Variants in KCNH7 observed in about 807,000 individuals in gnomAD.
KCNH7 encodes potassium voltage-gated channel subfamily H member 7, also known as voltage-gated inwardly rectifying potassium channel KCNH7.
KCNH7 carries 49 observed loss-of-function variants against 120.8 expected under a neutral mutation model. The observed-to-expected ratio is 0.41, with a 90% CI of 0.32 to 0.51. The LOEUF (loss-of-function observed/expected upper bound fraction) is 0.51, where lower values mean the gene tolerates loss of function less well. KCNH7 is among the 20% of genes least tolerant of loss of function. The pLI is 0.38. For synonymous variants in KCNH7, 547 were observed against 516.1 expected (o/e 1.06, Z -0.81); for missense variants, 1,097 against 1,446.6 (o/e 0.76, Z 3.92).
chr2:162,622,605 C>T (rs960391086), intron 2 of KCNH7, among the ~76,000 whole-genome samples: 1 of 152,072 alleles, frequency 6.6e-6, no homozygotes, highest in African/African-American at 2.4e-5. Context: ...ATGAATTGAT[C>T]TCTGAATTTT....
intron 2 of KCNH7, among the ~76,000 whole-genome samples, chr2:162,833,379 G>C (rs911850086): frequency 2.2e-4 from 34 of 151,938 alleles, no homozygotes; most frequent in Non-Finnish European, 5.9e-5. Flanking sequence ...CTTTGTTGCT[G>C]AAAAGTGTTT....
intron 2 of KCNH7, among the ~76,000 whole-genome samples, chr2:162,739,275 A>G (rs1574326327): frequency 6.6e-6 from 1 of 152,138 alleles, no homozygotes; most frequent in East Asian, 1.9e-4. Context: ...TAGGAACACC[A>G]TGCTTCAAAT....
At chr2:162,651,137 T>A (rs1684551189) in intron 2 of KCNH7, among the ~76,000 whole-genome samples, 2 of 152,238 alleles carry the variant, frequency 1.3e-5, no homozygotes, top group South Asian at 4.1e-4. Context: ...ATGTCCAAGA[T>A]TAATTCTGAA....
At chr2:162,711,836 G>A (rs558327687) in intron 2 of KCNH7, among the ~76,000 whole-genome samples, 2 of 151,770 alleles carry the variant, frequency 1.3e-5, no homozygotes, top group Admixed American at 6.6e-5. Flanking sequence ...ACCTTCAGAA[G>A]GGCAGGGAAA....
chr2:162,660,894 T>A (rs1684936018), intron 2 of KCNH7, among the ~76,000 whole-genome samples: 1 of 152,180 alleles, frequency 6.6e-6, no homozygotes. Flanking sequence ...AAAGACTTAA[T>A]TTATTAGATA....
intron 9 of KCNH7, 60 bp downstream of exon 9, chr2:162,423,276 C>T (rs765940107): frequency 1.9e-6 from 3 of 1,610,436 alleles, no homozygotes; most frequent in Non-Finnish European, 2.5e-6. Context: ...GCTTTTATTC[C>T]ATTTTGGCTA....
At chr2:162,651,535 CT>C (rs911454025) in intron 2 of KCNH7, among the ~76,000 whole-genome samples, 4 of 151,870 alleles carry the variant, frequency 2.6e-5, no homozygotes, top group East Asian at 1.9e-4. Flanking sequence ...AATACACAAT[CT>C]TTTTTTTAAT....
chr2:162,807,367 G>A (rs1684586248), intron 2 of KCNH7, among the ~76,000 whole-genome samples: 3 of 151,672 alleles, frequency 2.0e-5, no homozygotes, highest in Admixed American at 2.0e-4. Context: ...AACTCAGGAG[G>A]CGGAGGTTGC....
At chr2:162,624,301 G>A (rs1201261595) in intron 2 of KCNH7, among the ~76,000 whole-genome samples, 2 of 152,096 alleles carry the variant, frequency 1.3e-5, no homozygotes, top group Non-Finnish European at 2.9e-5. Context: ...ACAAGAGGAA[G>A]GGGAAAAACA....
chr2:162,782,914 G>A (rs1683553581), intron 2 of KCNH7, among the ~76,000 whole-genome samples: 1 of 152,144 alleles, frequency 6.6e-6, no homozygotes, highest in South Asian at 2.1e-4. Context: ...GCATATGTGA[G>A]ATTGGGGAGG....
chr2:162,446,444 C>A lies in KCNH7; in HGVS notation c.1129-1G>T, dbSNP rs753291958. ...GGACATCTGCTCCTAAAGAGAGAAC[C>A]TGAATGTGCAAAAGAAAATCATACA... On this transcript the variant is annotated splice_acceptor_variant, in intron 6 of 15. Transcript: ENST00000332142. LOFTEE classifies it high-confidence loss of function. The A allele has an allele frequency of 6.3e-7, 1 of 1,595,392 alleles. No individual in the cohort carries two copies. Among genetic ancestry groups the A allele is most frequent in the East Asian group, 2.2e-5 (1 of 44,574 alleles).
At chr2:162,578,880 T>C (rs1693774918) in intron 2 of KCNH7, among the ~76,000 whole-genome samples, 1 of 152,012 alleles carries the variant, frequency 6.6e-6, no homozygotes. Context: ...ATTATTATTA[T>C]TTTCAGTTCT....
chr2:162,690,984 A>T (rs13002180), intron 2 of KCNH7, among the ~76,000 whole-genome samples: 3,460 of 152,220 alleles, frequency 0.023, 74 homozygotes, highest in East Asian at 0.12. Context: ...AAAGATAGGG[A>T]GGAATTTGTC....
intron 2 of KCNH7, among the ~76,000 whole-genome samples, chr2:162,781,422 T>C (rs1387519074): frequency 2.0e-5 from 3 of 152,274 alleles, no homozygotes; most frequent in African/African-American, 7.2e-5. Context: ...ATTAAATCCC[T>C]ATGTTTATTA....
chr2:162,811,306 G>A (rs1287553541), intron 2 of KCNH7, among the ~76,000 whole-genome samples: 4 of 152,128 alleles, frequency 2.6e-5, no homozygotes, highest in Non-Finnish European at 5.9e-5. Context: ...AGAAAGGATT[G>A]TATTTGAAAA....
At chr2:162,540,297 A>G (rs1692260542) in intron 2 of KCNH7, among the ~76,000 whole-genome samples, 1 of 151,972 alleles carries the variant, frequency 6.6e-6, no homozygotes, top group African/African-American at 2.4e-5. Context: ...TCATATCCAC[A>G]TTTTCTCCCC....
intron 4 of KCNH7, among the ~76,000 whole-genome samples, chr2:162,513,307 C>CTCCTTCCTTCTT (rs1200771537): frequency 1.8e-5 from 2 of 108,824 alleles, no homozygotes; most frequent in Admixed American, 1.1e-4. Flanking sequence ...CCCTCCTTCC[C>CTCCTTCCTTCTT]TCCTTCCTTC....
intron 2 of KCNH7, among the ~76,000 whole-genome samples, chr2:162,716,101 A>G (rs191780188): frequency 9.0e-4 from 137 of 152,256 alleles, no homozygotes; most frequent in Middle Eastern, 3.4e-3. Context: ...TCAAAATAGA[A>G]TGTCTATCTA....
At chr2:162,714,216 G>T (rs1005638682) in intron 2 of KCNH7, among the ~76,000 whole-genome samples, 3 of 152,140 alleles carry the variant, frequency 2.0e-5, no homozygotes, top group Admixed American at 6.6e-5. Flanking sequence ...AATAGTTTTT[G>T]TTGCCTCTGA....
Sources: gnomAD v4.1 joint callset for allele counts (sites outside exome capture counted in the v4.1 genomes callset) on GRCh38, gnomAD v4.1.1 for gene constraint, MANE v1.5 for transcripts, NCBI Gene and HGNC (gene_info 2026-07-23, HGNC 2026-07-21) for gene names.